The following SATL1 variants were observed in gnomAD, a reference collection of about 807,000 sequenced individuals.
SATL1 encodes the protein spermidine/spermine N(1)-acetyltransferase-like protein 1.
Under a neutral mutation model 51.8 loss-of-function variants are expected in SATL1, and 47 were observed. The ratio of observed to expected loss-of-function variants is 0.91; its 90% CI spans 0.72 to 1.16. The LOEUF (loss-of-function observed/expected upper bound fraction) is 1.16. SATL1 is among the 50% of genes most tolerant of loss of function. The pLI is 0.00. For missense variants in SATL1, 520 were observed against 526.4 expected, an observed-to-expected ratio of 0.99 and a Z score of 0.12; for synonymous variants, 176 against 182.4, an observed-to-expected ratio of 0.97 and a Z score of 0.28.
intron 2 of SATL1, among the ~76,000 whole-genome samples, chrX:85,169,339 A>G (rs1390945137): frequency 8.9e-6 from 1 of 111,761 alleles, no homozygotes; most frequent in African/African-American, 3.3e-5. Context: ...CAGATGACCT[A>G]TAGAATGGGT....
intron 2 of SATL1, among the ~76,000 whole-genome samples, chrX:85,122,276 C>T (rs986241829): frequency 9.0e-6 from 1 of 111,528 alleles, no homozygotes; most frequent in South Asian, 3.7e-4. Flanking sequence ...TTCCTTTGCA[C>T]CCTTGTTCTT....
At chrX:85,133,660 A>G (rs1171486877) in intron 2 of SATL1, among the ~76,000 whole-genome samples, 1 of 111,372 alleles carries the variant, frequency 9.0e-6, no homozygotes, top group Admixed American at 9.5e-5. Context: ...GGCTGCACCC[A>G]CTGTCCGACC....
intron 2 of SATL1, among the ~76,000 whole-genome samples, chrX:85,169,706 A>G (rs1040155941): frequency 1.4e-4 from 16 of 111,919 alleles, no homozygotes; most frequent in African/African-American, 5.2e-4. Flanking sequence ...TGTGGAAAGT[A>G]GTGTTGTGAT....
chrX:85,115,754 C>G (rs112264264), intron 2 of SATL1, among the ~76,000 whole-genome samples: 55 of 111,618 alleles, frequency 4.9e-4, no homozygotes, highest in African/African-American at 1.7e-3. Context: ...TGGAAAGAGC[C>G]GATTTTAGTT....
chrX:85,218,484 G>C (rs1217915659), intron 2 of SATL1, among the ~76,000 whole-genome samples: 1 of 111,324 alleles, frequency 9.0e-6, no homozygotes, highest in African/African-American at 3.3e-5. Context: ...TTAAGTTTTA[G>C]CATGAACCTC....
chrX:85,152,837 G>C (rs1199736437), intron 2 of SATL1, among the ~76,000 whole-genome samples: 1 of 110,371 alleles, frequency 9.1e-6, no homozygotes, highest in Non-Finnish European at 1.9e-5. Flanking sequence ...GTAGTGGGGA[G>C]GGATAGCATT....
At chrX:85,227,363 TAAAAG>T (rs1203444707) in intron 1 of SATL1, among the ~76,000 whole-genome samples, 3 of 112,100 alleles carry the variant, frequency 2.7e-5, no homozygotes, top group Non-Finnish European at 5.7e-5. Context: ...AAGTATAACT[TAAAAG>T]AAGAGAGGAA....
At chrX:85,242,082 T>C (rs1928613883) in intron 1 of SATL1, among the ~76,000 whole-genome samples, 1 of 111,876 alleles carries the variant, frequency 8.9e-6, no homozygotes, top group African/African-American at 3.3e-5. Flanking sequence ...GGAAGAATTC[T>C]CAGGATATTT....
At chrX:85,190,333 C>T (rs1810556857) in intron 2 of SATL1, among the ~76,000 whole-genome samples, 1 of 111,900 alleles carries the variant, frequency 8.9e-6, no homozygotes, top group African/African-American at 3.2e-5. Context: ...AGTAATAGTG[C>T]TAGAATCTCA....
At chrX:85,179,424 G>A (rs988084186) in intron 2 of SATL1, among the ~76,000 whole-genome samples, 2 of 111,676 alleles carry the variant, frequency 1.8e-5, no homozygotes, top group East Asian at 2.8e-4. Flanking sequence ...ACTAAGCTCC[G>A]AGTTTGGAAG....
chrX:85,151,999 C>G (rs1370451055), intron 2 of SATL1, among the ~76,000 whole-genome samples: 11 of 109,388 alleles, frequency 1.0e-4, no homozygotes, highest in Non-Finnish European at 1.9e-4. Flanking sequence ...TTCTGCACAG[C>G]AAAAGAAACT....
At chrX:85,171,018 C>T (rs909043023) in intron 2 of SATL1, among the ~76,000 whole-genome samples, 4 of 111,430 alleles carry the variant, frequency 3.6e-5, no homozygotes, top group Non-Finnish European at 5.7e-5. Context: ...TCTGGATGAT[C>T]TGATCACTAA....
chrX:85,115,470 G>A (rs959004143), intron 2 of SATL1, among the ~76,000 whole-genome samples: 1 of 112,561 alleles, frequency 8.9e-6, no homozygotes, highest in Admixed American at 9.4e-5. Flanking sequence ...GAAGACAGGA[G>A]AAGGGTTGGA....
chrX:85,112,339 C>T (rs749978582), intron 2 of SATL1, among the ~76,000 whole-genome samples: 2 of 60,183 alleles, frequency 3.3e-5, no homozygotes, highest in East Asian at 1.1e-3. Flanking sequence ...GTAACAGAAT[C>T]AGACTCTGTC....
intron 2 of SATL1, among the ~76,000 whole-genome samples, chrX:85,174,671 G>A (rs1037911518): frequency 2.7e-5 from 3 of 111,120 alleles, no homozygotes; most frequent in Admixed American, 9.6e-5. Context: ...TTAACAGATG[G>A]GGAAAGACAT....
chrX:85,102,453 T>C (rs1393703396), intron 4 of SATL1, among the ~76,000 whole-genome samples: 2 of 111,940 alleles, frequency 1.8e-5, no homozygotes, highest in Non-Finnish European at 3.8e-5. Context: ...AAATGATATG[T>C]GTATTTAATC....
chrX:85,127,328 T>A, intron 2 of SATL1, among the ~76,000 whole-genome samples: 1 of 111,549 alleles, frequency 9.0e-6, no homozygotes, highest in African/African-American at 3.3e-5. Context: ...AAGAAGACAA[T>A]GTTTCTGAAA....
intron 4 of SATL1, among the ~76,000 whole-genome samples, chrX:85,101,954 G>A (rs1027284657): frequency 3.6e-5 from 4 of 110,129 alleles, no homozygotes; most frequent in African/African-American, 1.3e-4. Context: ...GTCATATGAG[G>A]TACCTAGAAT....
At chrX:85,172,365 C>T (rs1272973797) in intron 2 of SATL1, among the ~76,000 whole-genome samples, 2 of 110,924 alleles carry the variant, frequency 1.8e-5, no homozygotes, top group Non-Finnish European at 3.8e-5. Context: ...AACAGTTTTG[C>T]CTATCATAGT....
Sources: allele counts gnomAD v4.1 joint callset (sites outside exome capture counted in the v4.1 genomes callset), GRCh38; gene constraint gnomAD v4.1.1; transcripts MANE v1.5; gene names NCBI Gene and HGNC (gene_info 2026-07-23, HGNC 2026-07-21).